The following ZNF469 variants were observed in gnomAD, a reference collection of about 807,000 sequenced individuals.
The protein encoded by ZNF469 is zinc finger protein 469.
A neutral mutation model predicts 1.0 loss-of-function variants in ZNF469; 1 was observed. That is an observed-to-expected ratio of 1.00 (90% confidence interval 0.35 to 4.73). The LOEUF (loss-of-function observed/expected upper bound fraction) is 4.73. Ranked by LOEUF, ZNF469 falls within the 30% of genes most tolerant of loss-of-function variation. The probability of loss-of-function intolerance (pLI) is 0.16; values close to 1 mark genes in which losing one functional copy is unlikely to be tolerated. For missense variants in ZNF469, 6,100 were observed against 5,356.3 expected (o/e 1.14, Z -4.33); for synonymous variants, 2,703 against 2,363.4 (o/e 1.14, Z -4.17).
At chr16:88,202,882 C>A in the ZNF469 span, among the ~76,000 whole-genome samples, 1 of 152,194 alleles carries the variant, frequency 6.6e-6, no homozygotes, top group African/African-American at 2.4e-5. Context: ...ATGAGGGCCT[C>A]GTGGTGGCCT....
chr16:88,325,391 G>C, the ZNF469 span, among the ~76,000 whole-genome samples: 2 of 152,250 alleles, frequency 1.3e-5, no homozygotes, highest in Non-Finnish European at 2.9e-5. Flanking sequence ...CAGTGGGAGA[G>C]GCACAATTTC....
At position 88,414,272 on chromosome 16, in the gene ZNF469, G is replaced by A. The variant is rs145641247; in HGVS notation, c.-191-10535G>A. ...CAGGTCGGACACGGCCACAGATCAC[G>A]GCCACGGATCCCATCACGCCCGGGC... On this transcript the variant is annotated intron_variant, in intron 1 of 2. Coordinates refer to ENST00000565624, the MANE Select transcript of ZNF469 (RefSeq NM_001367624.2). Among the ~76,000 whole-genome samples the A allele has an allele frequency of 1.7e-3, 253 of 152,324 alleles. 3 individuals carry two copies. Among genetic ancestry groups the A allele is most frequent in the African/African-American group, 5.7e-3 (237 of 41,564 alleles).
the ZNF469 span, among the ~76,000 whole-genome samples, chr16:88,205,846 C>T: frequency 1.6e-4 from 25 of 152,208 alleles, no homozygotes; most frequent in African/African-American, 5.8e-4. This position sits in a 1 kb window ranked among gnomAD's most constrained non-coding sequence, Gnocchi z 4.2. Flanking sequence ...GGCTTTAACA[C>T]GGATCTGGAA....
chr16:88,401,369 C>T (rs1051023535), intron 1 of ZNF469, among the ~76,000 whole-genome samples: 2 of 148,432 alleles, frequency 1.3e-5, no homozygotes, highest in South Asian at 2.1e-4. Flanking sequence ...TGCAGTAAGC[C>T]GAGGGCTAGA....
chr16:88,236,807 C>T, the ZNF469 span, among the ~76,000 whole-genome samples: 1 of 151,624 alleles, frequency 6.6e-6, no homozygotes, highest in Admixed American at 6.6e-5. Context: ...GCGGAGGTTG[C>T]TGTGAGCCGA....
At chr16:88,173,687 G>A in the ZNF469 span, among the ~76,000 whole-genome samples, 1 of 152,158 alleles carries the variant, frequency 6.6e-6, no homozygotes, top group Non-Finnish European at 1.5e-5. Context: ...GACAATAATA[G>A]CACAAAGAAT....
In ZNF469 at chr16:88,431,360, G is replaced by A. The variant is rs750571274; in HGVS notation, c.3890G>A (p.Gly1297Asp). Residue 1297 changes from glycine to aspartate, a missense_variant, in exon 3 of 3, where the codon GGT becomes GAT. By Grantham distance (94) the Gly-to-Asp change is moderately conservative (BLOSUM62 -1). Transcript: ENST00000565624. ...CCCCACGGAAGCTCGCCAACGCCAG[G>A]TGTGGGCAGCCTGCTGGGTGGTCCT... ...TAPHGSSPTPGVGSLLGGPGG... is the reference protein window; with the variant it reads ...TAPHGSSPTPDVGSLLGGPGG... 1.2e-4 allele frequency: 179 copies of A among 1,549,756 alleles called. No homozygotes were observed. The highest frequency in any genetic ancestry group is 1.4e-4 in the Non-Finnish European group (166 of 1,146,818).
At chr16:88,212,471 A>G in the ZNF469 span, among the ~76,000 whole-genome samples, 9 of 152,162 alleles carry the variant, frequency 5.9e-5, no homozygotes, top group African/African-American at 2.2e-4. Context: ...CTGAATTTTC[A>G]TTAACATCTG....
At chr16:88,217,708 T>C in the ZNF469 span, among the ~76,000 whole-genome samples, 3 of 114,814 alleles carry the variant, frequency 2.6e-5, no homozygotes, top group African/African-American at 9.7e-5. Context: ...TTTTTGTTCT[T>C]GCGATAGTTT....
At chr16:88,146,509 T>C in the ZNF469 span, among the ~76,000 whole-genome samples, 1 of 151,694 alleles carries the variant, frequency 6.6e-6, no homozygotes, top group Non-Finnish European at 1.5e-5. Context: ...AGTGGCACCC[T>C]CCCCCCAGTC....
At chr16:88,228,481 C>T in the ZNF469 span, among the ~76,000 whole-genome samples, 752 of 152,330 alleles carry the variant, frequency 4.9e-3, 26 homozygotes, top group Admixed American at 0.036. Flanking sequence ...GAGGGCACGG[C>T]AATGGTGGTT....
At chr16:88,142,174 G>A in the ZNF469 span, among the ~76,000 whole-genome samples, 1 of 152,234 alleles carries the variant, frequency 6.6e-6, no homozygotes, top group Non-Finnish European at 1.5e-5. Context: ...TTCAGCACAG[G>A]GAAGCAGAGA....
At chr16:88,318,466 C>G in the ZNF469 span, among the ~76,000 whole-genome samples, 6 of 142,684 alleles carry the variant, frequency 4.2e-5, no homozygotes, top group East Asian at 1.2e-3. Flanking sequence ...TGGCGGTGTC[C>G]TCTGCCCCAG....
chr16:88,101,622 C>T, the ZNF469 span, among the ~76,000 whole-genome samples: 58,556 of 150,924 alleles, frequency 0.39, 12,649 homozygotes, highest in Middle Eastern at 0.55. Flanking sequence ...AGGGGCAGGA[C>T]GAGTTTGGGG....
At chr16:88,154,143 T>G in the ZNF469 span, among the ~76,000 whole-genome samples, 1 of 152,196 alleles carries the variant, frequency 6.6e-6, no homozygotes, top group Non-Finnish European at 1.5e-5. Context: ...AAGCATCTTT[T>G]TTGTTTGTTG....
the ZNF469 span, among the ~76,000 whole-genome samples, chr16:88,301,705 G>A: frequency 2.0e-5 from 3 of 152,298 alleles, 1 homozygote; most frequent in South Asian, 6.2e-4. Flanking sequence ...CACTGGTATG[G>A]GGCAGGGCCA....
At chr16:88,203,158 G>T in the ZNF469 span, among the ~76,000 whole-genome samples, 1 of 152,140 alleles carries the variant, frequency 6.6e-6, no homozygotes, top group Non-Finnish European at 1.5e-5. Context: ...GGTGGTGAAG[G>T]GCGAGTCCGG....
the ZNF469 span, among the ~76,000 whole-genome samples, chr16:88,309,692 G>A: frequency 6.6e-5 from 10 of 151,420 alleles, no homozygotes; most frequent in South Asian, 1.5e-3. Flanking sequence ...GACATCTGAC[G>A]GGGGGAGTGC....
the ZNF469 span, among the ~76,000 whole-genome samples, chr16:88,184,658 A>G: frequency 6.6e-6 from 1 of 152,030 alleles, no homozygotes; most frequent in Non-Finnish European, 1.5e-5. Flanking sequence ...GCCGCAAAGC[A>G]GAACCCCCAG....
Sources: gnomAD v4.1 joint callset for allele counts (sites outside exome capture counted in the v4.1 genomes callset) on GRCh38, gnomAD v4.1.1 for gene constraint, Gnocchi (gnomAD v3.1) non-coding constraint, MANE v1.5 for transcripts, NCBI Gene and HGNC (gene_info 2026-07-23, HGNC 2026-07-21) for gene names.